Variants in ADGRL3 observed in about 807,000 individuals in gnomAD.
ADGRL3 encodes the protein adhesion G protein-coupled receptor L3.
ADGRL3 carries 62 observed loss-of-function variants against 153.5 expected under a neutral mutation model. The observed-to-expected ratio is 0.40, with a 90% CI of 0.33 to 0.50. The LOEUF (loss-of-function observed/expected upper bound fraction) is 0.50, where lower values mean the gene tolerates loss of function less well. ADGRL3 is among the 20% of genes least tolerant of loss of function. ADGRL3 has a pLI of 0.47. For missense variants in ADGRL3, 1,641 were observed against 1,859.4 expected, an observed-to-expected ratio of 0.88 and a Z score of 2.16; for synonymous variants, 710 against 672.5, an observed-to-expected ratio of 1.06 and a Z score of -0.86.
chr4:61,648,370 T>A (rs1020210353), intron 5 of ADGRL3, among the ~76,000 whole-genome samples: 4 of 148,370 alleles, frequency 2.7e-5, no homozygotes, highest in African/African-American at 7.4e-5. Flanking sequence ...TTTTTTTTTT[T>A]AATTTGAAGA....
chr4:61,722,297 T>A (rs2151658001), intron 6 of ADGRL3, among the ~76,000 whole-genome samples: 1 of 152,320 alleles, frequency 6.6e-6, no homozygotes, highest in African/African-American at 2.4e-5. Context: ...CTACCAGAGC[T>A]CTTGAAATCT....
At chr4:61,472,725 A>G (rs2097976807) in intron 2 of ADGRL3, among the ~76,000 whole-genome samples, 1 of 152,080 alleles carries the variant, frequency 6.6e-6, no homozygotes, top group Non-Finnish European at 1.5e-5. Context: ...CAGAAGTAAT[A>G]GAAAGATCTA....
intron 1 of ADGRL3, among the ~76,000 whole-genome samples, chr4:61,213,918 T>C (rs1270335416): frequency 6.6e-6 from 1 of 152,160 alleles, no homozygotes; most frequent in East Asian, 1.9e-4. Flanking sequence ...AATAATCATT[T>C]GACTTTTTCT....
chr4:61,275,418 G>A (rs2093413434), intron 1 of ADGRL3, among the ~76,000 whole-genome samples: 1 of 152,234 alleles, frequency 6.6e-6, no homozygotes, highest in East Asian at 1.9e-4. Flanking sequence ...GGTAGCTAAA[G>A]GGTATTTGCT....
At chr4:61,423,161 A>G (rs1006370171) in intron 2 of ADGRL3, among the ~76,000 whole-genome samples, 4 of 152,210 alleles carry the variant, frequency 2.6e-5, no homozygotes, top group South Asian at 2.1e-4. Context: ...GCAGTTTTAC[A>G]TATCTGGTTT....
At chr4:61,298,892 G>A (rs562397290) in intron 1 of ADGRL3, among the ~76,000 whole-genome samples, 10 of 152,068 alleles carry the variant, frequency 6.6e-5, no homozygotes, top group South Asian at 2.1e-4. Flanking sequence ...TAGAGGCTAC[G>A]ATAACTTAAT....
intron 13 of ADGRL3, among the ~76,000 whole-genome samples, chr4:61,933,305 C>T (rs1185713211): frequency 1.3e-5 from 2 of 151,870 alleles, no homozygotes; most frequent in South Asian, 2.1e-4. Context: ...GGTTTCCTAT[C>T]TGGCACCTCT....
intron 5 of ADGRL3, among the ~76,000 whole-genome samples, chr4:61,629,695 C>T (rs867803133): frequency 8.3e-5 from 10 of 120,736 alleles, no homozygotes; most frequent in African/African-American, 3.3e-4. Context: ...CCAGCCTAGG[C>T]GACAATGCAA....
chr4:62,032,561 A>T (rs138525370), intron 23 of ADGRL3, among the ~76,000 whole-genome samples: 1 of 151,588 alleles, frequency 6.6e-6, no homozygotes, highest in African/African-American at 2.4e-5. Context: ...ATTCAAAGAA[A>T]TGGCTCTGAA....
At chr4:61,915,522 T>C (rs2098741397) in intron 13 of ADGRL3, among the ~76,000 whole-genome samples, 1 of 152,050 alleles carries the variant, frequency 6.6e-6, no homozygotes, top group Admixed American at 6.6e-5. Flanking sequence ...ACATGGTCAT[T>C]CAAACATGAA....
At position 62,057,899 on chromosome 4, in the gene ADGRL3, G is replaced by A. The variant is rs917867951; in HGVS notation, c.3815-10267G>A. On this transcript the variant is annotated intron_variant, in intron 25 of 26. Coordinates refer to ENST00000683033, the MANE Select transcript of ADGRL3 (RefSeq NM_001387552.1). ...TCACCATGCTGGCCAGGCTGATATC[G>A]AGCTCCTGATCTCAAGTAATCCACC... 9.2e-5 allele frequency among the ~76,000 whole-genome samples: 14 copies of A among 152,026 alleles called. 1 individual carries two copies. In the South Asian group the frequency reaches 2.7e-3, roughly 29 times the overall value.
At chr4:61,482,618 A>T (rs1163134634) in intron 2 of ADGRL3, among the ~76,000 whole-genome samples, 2 of 152,176 alleles carry the variant, frequency 1.3e-5, no homozygotes, top group Non-Finnish European at 2.9e-5. Flanking sequence ...TAACTCAAGG[A>T]TGTTTTACCC....
At chr4:61,974,464 CT>C (rs2150724838) in intron 17 of ADGRL3, among the ~76,000 whole-genome samples, 1 of 152,090 alleles carries the variant, frequency 6.6e-6, no homozygotes, top group Non-Finnish European at 1.5e-5. Context: ...TTTATATAGG[CT>C]TTTTATTAAA....
At chr4:61,745,041 C>G (rs915013211) in intron 8 of ADGRL3, among the ~76,000 whole-genome samples, 33 of 152,120 alleles carry the variant, frequency 2.2e-4, no homozygotes, top group Admixed American at 1.5e-3. Context: ...GAGCTGAGAA[C>G]CAAGACTCGA....
intron 1 of ADGRL3, among the ~76,000 whole-genome samples, chr4:61,362,025 C>G (rs1362687043): frequency 6.7e-6 from 1 of 149,618 alleles, no homozygotes; most frequent in Non-Finnish European, 1.5e-5. Flanking sequence ...TAAATTGCAA[C>G]AGAGTCTTGC....
intron 4 of ADGRL3, among the ~76,000 whole-genome samples, chr4:61,534,425 T>C (rs2098642507): frequency 6.6e-6 from 1 of 152,170 alleles, no homozygotes; most frequent in Non-Finnish European, 1.5e-5. Flanking sequence ...TTCAGCCTCT[T>C]TTTTGATTCC....
Position 61,409,187 on chromosome 4 carries a change from TATAATATATATTATATATATTAGACATAC to T in ADGRL3, c.-174+26046_-174+26074del, listed in dbSNP as rs1285514128. On this transcript the variant is annotated intron_variant, in intron 2 of 26. Coordinates refer to ENST00000683033, the MANE Select transcript of ADGRL3 (RefSeq NM_001387552.1). The stretch of plus-strand genomic sequence containing the variant: ...GTTAGTTGAAAAATTTTATTATATA[TATAATATATATTATATATATTAGACATAC>T]ATAATATATATTATATATATTAGAC... 4.0e-4 allele frequency among the ~76,000 whole-genome samples: 56 copies of T among 140,492 alleles called. No homozygotes were observed. The East Asian group carries it at 6.3e-3, about 16-fold the overall frequency. The allele number at this position is 140,492 out of a possible 152,430, so 92.2% of individuals were successfully genotyped here.
intron 9 of ADGRL3, among the ~76,000 whole-genome samples, chr4:61,846,600 G>T (rs977628321): frequency 6.6e-6 from 1 of 152,082 alleles, no homozygotes; most frequent in East Asian, 1.9e-4. Context: ...TGTTCATGTA[G>T]CATTTAATTT....
At chr4:61,712,898 TA>T (rs2096026452) in intron 6 of ADGRL3, among the ~76,000 whole-genome samples, 1 of 152,208 alleles carries the variant, frequency 6.6e-6, no homozygotes, top group Non-Finnish European at 1.5e-5. Context: ...GTTTAAAATT[TA>T]AAATTGTCCC....
Sources: allele counts gnomAD v4.1 joint callset (sites outside exome capture counted in the v4.1 genomes callset), GRCh38; gene constraint gnomAD v4.1.1; transcripts MANE v1.5; gene names NCBI Gene and HGNC (gene_info 2026-07-23, HGNC 2026-07-21).